FLNA: variants seen among roughly 807,000 people sequenced by gnomAD.
FLNA encodes the protein filamin A, also known as filamin-A.
Under a neutral mutation model 157.6 loss-of-function variants are expected in FLNA, and 7 were observed. That is an observed-to-expected ratio of 0.04 (90% CI 0.03 to 0.08). FLNA has a LOEUF of 0.08. Ranked by LOEUF, FLNA falls within the 10% of genes least tolerant of loss-of-function variation. FLNA has a pLI of 1.00. For missense variants in FLNA, 1,750 were observed against 2,398.4 expected, an observed-to-expected ratio of 0.73 and a Z score of 5.65; for synonymous variants, 1,103 against 1,060.8, an observed-to-expected ratio of 1.04 and a Z score of -0.77.
rs782499656 is a variant in FLNA, at chrX:154,364,043, G to A, written c.2259C>T (p.Ser753=). Residue 753 remains serine (S), a synonymous_variant, in exon 15 of 48, where the codon AGC becomes AGT. Transcript: ENST00000369850. ...TCACCCTGAAGGGGCTGTTGGGGAT[G>A]CTGACGCCTCCCCAGGACACCATGG... ...HTAMVSWGGV[S]IPNSPFRVNV... is the part of the protein sequence containing the mutation. 1.7e-6 allele frequency: 2 copies of A among 1,211,337 alleles called. No individual in the cohort carries two copies. Among genetic ancestry groups the A allele is most frequent in the South Asian group, 1.8e-5 (1 of 57,057 alleles).
chrX:154,349,309 G>T, intron 47 of FLNA, 53 bp downstream of exon 47: 2 of 1,144,069 alleles, frequency 1.7e-6, no homozygotes, highest in Non-Finnish European at 2.4e-6. Context: ...GCCATCCTGT[G>T]ATTTCTGGCC....
chrX:154,365,194 T>C lies in FLNA; in HGVS notation c.1633A>G (p.Met545Val), dbSNP rs1443563081. 1.2e-5 allele frequency: 14 copies of C among 1,209,993 alleles called. No homozygotes were observed. In the East Asian group the frequency reaches 3.3e-4, roughly 28 times the overall value. The stretch of plus-strand genomic sequence containing the variant: ...GTGACGATATAGGTTCCAGGGACCA[T>C]GGGGTAATACTCGAAGCCATACACG... ...DGVYGFEYYP[M>V]VPGTYIVTIT... Residue 545 changes from methionine to valine, a missense_variant, in exon 11 of 48, where the codon ATG (methionine) becomes GTG (valine). This residue lies in a region of FLNA where 648 missense variants were observed against 805.8 expected (regional missense o/e 0.80). Coordinates refer to ENST00000369850, the MANE Select transcript of FLNA (RefSeq NM_001110556.2).
rs377397095 is a variant in FLNA, at chrX:154,353,524, G to A, written c.5860+30C>T. On this transcript the variant is annotated intron_variant, in intron 36 of 47. Coordinates refer to ENST00000369850, the MANE Select transcript of FLNA (RefSeq NM_001110556.2). Reference sequence around the variant, plus strand: ...GGAGACCATGCCCACCCTGCCACCCGTTTCTGTCACTGCTCCCAGTGCCAC... The same window carrying A: ...GGAGACCATGCCCACCCTGCCACCCATTTCTGTCACTGCTCCCAGTGCCAC... 75 of 1,209,765 alleles carry A rather than the reference G, an allele frequency of 6.2e-5. No individual in the cohort carries two copies. In the African/African-American group the frequency reaches 9.6e-4, roughly 15 times the overall value.
intron 28 of FLNA, 36 bp downstream of exon 28, chrX:154,358,163 G>T (rs1345372973): frequency 1.7e-6 from 2 of 1,202,486 alleles, no homozygotes; most frequent in Non-Finnish European, 2.2e-6. Context: ...AGCCGCCCAG[G>T]CCCCCCTGCC....
At chrX:154,369,346 C>A (rs1249608761) in intron 2 of FLNA, among the ~76,000 whole-genome samples, 2 of 112,490 alleles carry the variant, frequency 1.8e-5, no homozygotes, top group Non-Finnish European at 3.8e-5. Flanking sequence ...CCACCCCAGT[C>A]CAGCCTCAGA....
In FLNA at chrX:154,353,188, G is replaced by A; in HGVS notation, c.6039C>T (p.Pro2013=). ...RNGHVGISFV[P]KETGEHLVHV... ...GCACCAGGTGCTCCCCCGTCTCCTT[G>A]GGCACGAATGAAATCCCTGGACACA... The change falls in exon 38 of 48, where the codon CCC becomes CCT. Residue 2013 remains proline, a synonymous_variant. Transcript: ENST00000369850. The A allele has an allele frequency of 8.3e-7, 1 of 1,211,527 alleles. No individual in the cohort carries two copies. The highest frequency in any genetic ancestry group is 1.1e-6 in the Non-Finnish European group (1 of 895,413).
chrX:154,369,321 C>A (rs2067786209), intron 2 of FLNA, among the ~76,000 whole-genome samples: 1 of 112,579 alleles, frequency 8.9e-6, no homozygotes, highest in African/African-American at 3.2e-5. Context: ...CCAGCCAGGG[C>A]TTCCCATCAG....
intron 22 of FLNA, 30 bp from the exon 23 acceptor site, chrX:154,359,935 C>G (rs781962578): frequency 2.5e-6 from 3 of 1,208,103 alleles, no homozygotes; most frequent in Non-Finnish European, 3.4e-6. Flanking sequence ...AGGCTTGGGG[C>G]TCGGGGGTTC....
Position 154,359,067 on chromosome X carries a change from C to T in FLNA, c.4391G>A (p.Arg1464His), listed in dbSNP as rs1557177397. 8.3e-7 allele frequency: 1 copy of T among 1,209,920 alleles called. No individual in the cohort carries two copies. The highest frequency in any genetic ancestry group is 1.7e-5 in the African/African-American group (1 of 57,436). The change falls in exon 26 of 48, where the codon CGT becomes CAT. Residue 1464 changes from arginine (R) to histidine (H), a missense_variant. By Grantham distance (29) the Arg-to-His change is conservative. Coordinates refer to ENST00000369850, the MANE Select transcript of FLNA (RefSeq NM_001110556.2). ...CTGGAAGGACTGAGGGAGGTTGGCA[C>T]GAACCATGCCTGGGCTCAGGCCGGG... ...SGPGLSPGMVRANLPQSFQVD... is the reference protein window; with the variant it reads ...SGPGLSPGMVHANLPQSFQVD...
At chrX:154,373,792 G>C (rs1557180848) in intron 1 of FLNA, among the ~76,000 whole-genome samples, 1 of 113,432 alleles carries the variant, frequency 8.8e-6, no homozygotes, top group Non-Finnish European at 1.9e-5. Context: ...CCATTCCCAA[G>C]CTCCCACCTT....
chrX:154,348,750 G>T lies in FLNA; in HGVS notation c.*99C>A, dbSNP rs2067593289. The T allele has an allele frequency of 2.4e-5, 19 of 783,321 alleles. No individual in the cohort carries two copies. In the South Asian group the frequency reaches 5.0e-4, roughly 21 times the overall value. The allele number at this position is 783,321 out of a possible 1,213,427, so 64.6% of individuals were successfully genotyped here. A position where few individuals can be genotyped will look rare whatever the true frequency, so the allele number is the denominator to read the frequency against. On this transcript the variant is annotated 3_prime_UTR_variant, in exon 48 of 48. Coordinates refer to ENST00000369850, the MANE Select transcript of FLNA (RefSeq NM_001110556.2). Reference sequence around the variant, plus strand: ...CAGGGGCGGCTGCAGTGACAGGCGGGCGGCCAGGGCGGCCTGGGCCGGGGT... The same window carrying T: ...CAGGGGCGGCTGCAGTGACAGGCGGTCGGCCAGGGCGGCCTGGGCCGGGGT...
intron 30 of FLNA, among the ~76,000 whole-genome samples, chrX:154,355,937 C>T (rs977655253): frequency 8.9e-6 from 1 of 112,808 alleles, no homozygotes; most frequent in Admixed American, 9.2e-5. Context: ...GCCAGGAGCA[C>T]GAAACCTACT....
intron 43 of FLNA, 47 bp downstream of exon 43, chrX:154,351,534 G>A: frequency 1.1e-6 from 1 of 914,463 alleles, no homozygotes; most frequent in East Asian, 3.1e-5. Context: ...GCTCTGGTCT[G>A]TCCGGGCCCA....
At position 154,349,554 on chromosome X, in the gene FLNA, C is replaced by T. The variant is rs187774579; in HGVS notation, c.7564G>A (p.Val2522Ile). The change falls in exon 47 of 48, where the codon GTC becomes ATC. Residue 2522 changes from valine to isoleucine, a missense_variant. Physicochemically the swap from Val to Ile is conservative, Grantham distance 29. Around this residue, in one of 5 missense-constraint regions of FLNA, gnomAD observed 970 missense variants for 1,302.6 expected, o/e 0.74. Transcript: ENST00000369850. ...FKAKVTGPRL[V>I]SNHSLHETSS... Reference sequence around the variant, plus strand: ...GTCTCGTGGAGGCTGTGGTTGCTGACGAGACGGGGGCCTGCAAGGCAGAGT... The same window carrying T: ...GTCTCGTGGAGGCTGTGGTTGCTGATGAGACGGGGGCCTGCAAGGCAGAGT... The T allele has an allele frequency of 3.5e-5, 42 of 1,211,426 alleles. No individual in the cohort carries two copies. The highest frequency in any genetic ancestry group is 1.6e-4 in the South Asian group (9 of 56,984).
In FLNA at chrX:154,366,474, T is replaced by G; in HGVS notation, c.1066-4A>C. ...GGCCAGCAAAGAGCACAGTAACCTG[T>G]CCCCAGAAGGGTGGGCCGTGAGGGT... is the stretch of plus-strand genomic sequence containing the variant. On this transcript the variant is annotated splice_polypyrimidine_tract_variant and splice_region_variant and intron_variant, in intron 7 of 47. Transcript: ENST00000369850. 2 of 1,210,023 alleles carry G rather than the reference T, an allele frequency of 1.7e-6. No homozygotes were observed. Among genetic ancestry groups the G allele is most frequent in the Non-Finnish European group, 2.2e-6 (2 of 894,536 alleles).
chrX:154,348,838 G>C lies in FLNA; in HGVS notation c.*11C>G. On this transcript the variant is annotated 3_prime_UTR_variant, in exon 48 of 48. Transcript: ENST00000369850. ...AGGCTTGGGGGCTGCCGGCTGGCAC[G>C]GGCCCCAGACTCAGGGCACCACAAC... 3 of 1,192,277 alleles carry C rather than the reference G, an allele frequency of 2.5e-6. No individual in the cohort carries two copies. The highest frequency in any genetic ancestry group is 3.4e-6 in the Non-Finnish European group (3 of 881,881).
intron 30 of FLNA, 64 bp downstream of exon 30, chrX:154,357,187 G>A (rs2067669406): frequency 9.2e-7 from 1 of 1,092,105 alleles, no homozygotes; most frequent in Non-Finnish European, 1.3e-6. Context: ...TCGGCCCCAA[G>A]AGGAAAGGAA....
Position 154,364,836 on chromosome X carries a change from C to T in FLNA, c.1813G>A (p.Asp605Asn), listed in dbSNP as rs201093148. 304 of 1,209,926 alleles carry T rather than the reference C, an allele frequency of 2.5e-4. 1 individual carries two copies. The Admixed American group carries it at 6.2e-3, about 25-fold the overall frequency. Reference sequence around the variant, plus strand: ...TCCAACTTACCCAGCGTGCCCACGTCGTCCCCGATAGCCTCCACCACAAAG... The same window carrying T: ...TCCAACTTACCCAGCGTGCCCACGTTGTCCCCGATAGCCTCCACCACAAAG... The part of the protein sequence containing the change: ...ADFVVEAIGD[D>N]VGTLGFSVEG... The change falls in exon 12 of 48, where the codon GAC becomes AAC. Residue 605 changes from aspartate to asparagine, a missense_variant. Physicochemically the swap from Asp to Asn is conservative, Grantham distance 23. This residue lies in a region of FLNA where 648 missense variants were observed against 805.8 expected (regional missense o/e 0.80). Transcript: ENST00000369850.
chrX:154,355,468 G>A (rs1404283113), intron 30 of FLNA, among the ~76,000 whole-genome samples: 5 of 113,805 alleles, frequency 4.4e-5, no homozygotes, highest in African/African-American at 1.6e-4. Flanking sequence ...GCCTGGCCCC[G>A]GCCCCCATTG....
Sources: gnomAD v4.1 joint callset for allele counts (sites outside exome capture counted in the v4.1 genomes callset) on GRCh38, gnomAD v4.1.1 for gene constraint, gnomAD v4.1.1 regional missense constraint, MANE v1.5 for transcripts, NCBI Gene and HGNC (gene_info 2026-07-23, HGNC 2026-07-21) for gene names.